The following PCBP3 variants were observed in gnomAD, a reference collection of about 807,000 sequenced individuals.
The protein encoded by PCBP3 is poly(rC) binding protein 3.
PCBP3 carries 25 observed loss-of-function variants against 52.7 expected under a neutral mutation model. That is an observed-to-expected ratio of 0.47 (90% CI 0.35 to 0.66). The LOEUF (loss-of-function observed/expected upper bound fraction) is 0.66. Among genes scored for constraint, PCBP3 ranks in the 30% least tolerant of loss-of-function variants. The pLI is 0.01. For synonymous variants in PCBP3, 162 were observed against 183.0 expected, an observed-to-expected ratio of 0.89 and a Z score of 0.93; for missense variants, 391 against 490.3, an observed-to-expected ratio of 0.80 and a Z score of 1.91.
intron 3 of PCBP3, among the ~76,000 whole-genome samples, chr21:45,745,455 C>T (rs922901132): frequency 6.6e-6 from 1 of 152,094 alleles, no homozygotes; most frequent in Non-Finnish European, 1.5e-5. Flanking sequence ...CTGCCATTCT[C>T]GATGTGTGGT....
At chr21:45,714,412 C>G (rs2084072862) in intron 2 of PCBP3, among the ~76,000 whole-genome samples, 1 of 152,144 alleles carries the variant, frequency 6.6e-6, no homozygotes, top group Admixed American at 6.6e-5. Context: ...TTAGTCCCAT[C>G]CTCTAGGAAA....
intron 4 of PCBP3, among the ~76,000 whole-genome samples, chr21:45,844,187 T>G (rs567346700): frequency 1.3e-5 from 2 of 152,122 alleles, no homozygotes; most frequent in East Asian, 3.9e-4. Context: ...TCTGTCCAGC[T>G]CCAAGGCTGC....
chr21:45,908,287 A>T lies in PCBP3; in HGVS notation c.340-1068A>T, dbSNP rs78689942. On this transcript the variant is annotated intron_variant, in intron 9 of 17. Coordinates refer to ENST00000681687, the MANE Select transcript of PCBP3 (RefSeq NM_001384156.1). ...AGCGGGTGGCAGGAAGTGGGAATTT[A>T]GTGTCCGTGCCTGTGCCTCAGGTCC... 1.3e-4 allele frequency among the ~76,000 whole-genome samples: 20 copies of T among 152,264 alleles called. No homozygotes were observed. The East Asian group carries it at 3.9e-3, about 29-fold the overall frequency.
chr21:45,770,852 C>T (rs945798271), intron 4 of PCBP3, among the ~76,000 whole-genome samples: 2 of 152,372 alleles, frequency 1.3e-5, no homozygotes, highest in African/African-American at 4.8e-5. Context: ...CTCCCTCACC[C>T]ACTGCCTCCA....
chr21:45,805,804 C>T lies in PCBP3; in HGVS notation c.-125-44157C>T, dbSNP rs2146883583. 6.6e-6 allele frequency among the ~76,000 whole-genome samples: 1 copy of T among 152,206 alleles called. No individual in the cohort carries two copies. The highest frequency in any genetic ancestry group is 6.5e-5 in the Admixed American group (1 of 15,298). On this transcript the variant is annotated intron_variant, in intron 4 of 17. Coordinates refer to ENST00000681687, the MANE Select transcript of PCBP3 (RefSeq NM_001384156.1). The surrounding 1 kb of genome is among the most constrained non-coding windows in gnomAD (Gnocchi z 4.6). ...CTGGAGTGGTCCTGAGGAAAGCGCG[C>T]TCCTGTCTTTCTGTGGCAGCGAAGG... is the stretch of plus-strand genomic sequence containing the variant.
chr21:45,671,614 G>C (rs2081180128), intron 2 of PCBP3, among the ~76,000 whole-genome samples: 1 of 152,230 alleles, frequency 6.6e-6, no homozygotes, highest in African/African-American at 2.4e-5. Context: ...GTTGTGGTAA[G>C]AGGGCGTTAG....
At position 45,880,803 on chromosome 21, in the gene PCBP3, C is replaced by T. The variant is rs1393287007; in HGVS notation, c.11-15405C>T. Among the ~76,000 whole-genome samples the T allele has an allele frequency of 2.6e-5, 4 of 152,138 alleles. No homozygotes were observed. The highest frequency in any genetic ancestry group is 2.0e-4 in the Admixed American group (3 of 15,276). On this transcript the variant is annotated intron_variant, in intron 5 of 17. Coordinates refer to ENST00000681687, the MANE Select transcript of PCBP3 (RefSeq NM_001384156.1). The surrounding 1 kb of genome is among the most constrained non-coding windows in gnomAD (Gnocchi z 5.4). The stretch of plus-strand genomic sequence containing the variant: ...GGGAGAACTCACCCTGTCCCTGCCA[C>T]GGAAGCCAGGGAGCCAGCGGGAGGG...
At chr21:45,706,238 C>T (rs1038177545) in intron 2 of PCBP3, among the ~76,000 whole-genome samples, 2 of 152,134 alleles carry the variant, frequency 1.3e-5, no homozygotes, top group African/African-American at 4.8e-5. Flanking sequence ...CCAGGAAAGT[C>T]GAATCTCTTG....
intron 2 of PCBP3, among the ~76,000 whole-genome samples, chr21:45,709,255 A>C (rs1459837774): frequency 6.6e-6 from 1 of 152,216 alleles, no homozygotes; most frequent in Non-Finnish European, 1.5e-5. Context: ...TGTAAGAATT[A>C]AGAAATATTT....
intron 1 of PCBP3, among the ~76,000 whole-genome samples, chr21:45,662,989 C>G (rs2080514313): frequency 6.6e-6 from 1 of 152,182 alleles, no homozygotes; most frequent in African/African-American, 2.4e-5. Flanking sequence ...GGCCTGCCCA[C>G]AGTTATCTGG....
intron 3 of PCBP3, among the ~76,000 whole-genome samples, chr21:45,746,217 A>G (rs1212705217): frequency 8.5e-6 from 1 of 117,692 alleles, no homozygotes; most frequent in African/African-American, 3.9e-5. Flanking sequence ...GACGTAGCGC[A>G]CACGGTGTTG....
intron 5 of PCBP3, among the ~76,000 whole-genome samples, chr21:45,894,269 C>A (rs1021956347): frequency 6.6e-6 from 1 of 152,178 alleles, no homozygotes; most frequent in Non-Finnish European, 1.5e-5. Context: ...CCCCAAGCAC[C>A]CCTGGCAGGA....
intron 1 of PCBP3, among the ~76,000 whole-genome samples, chr21:45,648,264 T>C (rs1051311614): frequency 6.6e-6 from 1 of 152,004 alleles, no homozygotes; most frequent in Non-Finnish European, 1.5e-5. Context: ...GGTCTCTTCA[T>C]TTGGCAGTCT....
chr21:45,922,577 T>C (rs1429987252), intron 13 of PCBP3, among the ~76,000 whole-genome samples: 1 of 152,164 alleles, frequency 6.6e-6, no homozygotes, highest in African/African-American at 2.4e-5. Context: ...AATACCCTCA[T>C]ATATACAAAT....
At chr21:45,815,631 G>A (rs1603442162) in intron 4 of PCBP3, among the ~76,000 whole-genome samples, 1 of 80,888 alleles carries the variant, frequency 1.2e-5, no homozygotes. Context: ...GTGATGAGTG[G>A]TGAGTGGTGA....
At chr21:45,859,377 A>G (rs1409300092) in intron 5 of PCBP3, among the ~76,000 whole-genome samples, 1 of 152,210 alleles carries the variant, frequency 6.6e-6, no homozygotes, top group East Asian at 1.9e-4. Context: ...GAATTGCATC[A>G]TATGGGGGTT....
rs58952758 is a variant in PCBP3 at position 45,808,195 on chromosome 21, G to A, written c.-125-41766G>A. On this transcript the variant is annotated intron_variant, in intron 4 of 17. Transcript: ENST00000681687. ...CAACAAAAGCCAAAATTGACAAATG[G>A]GATCTAATTAAACTAAAGAGCTTCT... Among the ~76,000 whole-genome samples, 4 of 152,062 alleles carry A rather than the reference G, an allele frequency of 2.6e-5. No homozygotes were observed. In the East Asian group the frequency reaches 7.7e-4, roughly 29 times the overall value.
At chr21:45,915,960 A>T (rs1029507350) in intron 12 of PCBP3, 1 of 152,216 alleles carries the variant, frequency 6.6e-6, no homozygotes, top group African/African-American at 2.4e-5. Context: ...CATCCACTTT[A>T]TTTCTGTCCA....
chr21:45,906,412 C>T (rs766717111), intron 9 of PCBP3, among the ~76,000 whole-genome samples: 5 of 139,414 alleles, frequency 3.6e-5, no homozygotes, highest in East Asian at 2.5e-4. Context: ...GGGGTGGGGT[C>T]GGGCCGGGGA....
Sources: allele counts gnomAD v4.1 joint callset (sites outside exome capture counted in the v4.1 genomes callset), GRCh38; gene constraint gnomAD v4.1.1; non-coding constraint Gnocchi (gnomAD v3.1); transcripts MANE v1.5; gene names NCBI Gene and HGNC (gene_info 2026-07-23, HGNC 2026-07-21).